UBN2: variants seen among roughly 807,000 people sequenced by gnomAD.
UBN2 encodes the protein ubinuclein-2.
A neutral mutation model predicts 120.2 loss-of-function variants in UBN2; 35 were observed. That is an observed-to-expected ratio of 0.29 (90% CI 0.22 to 0.39). The LOEUF is 0.39. UBN2 is among the 10% of genes least tolerant of loss of function. The pLI, the probability that UBN2 is intolerant of heterozygous loss-of-function variation, is 1.00. For synonymous variants in UBN2, 661 were observed against 648.7 expected, an observed-to-expected ratio of 1.02 and a Z score of -0.29; for missense variants, 1,693 against 1,663.2, an observed-to-expected ratio of 1.02 and a Z score of -0.31.
In UBN2 at chr7:139,306,568, C is replaced by T. The variant is rs1476358439; in HGVS notation, c.*8732C>T. On this transcript the variant is annotated 3_prime_UTR_variant, in exon 18 of 18. Transcript: ENST00000473989. ...CTTCAGATAATCAATGGGCCTTTCC[C>T]CATTAGAGGTAGGTTCCCAGCCTAC... 1 of 152,156 alleles carries T rather than the reference C, an allele frequency of 6.6e-6. No individual in the cohort carries two copies. The highest frequency in any genetic ancestry group is 1.5e-5 in the Non-Finnish European group (1 of 68,024). The allele number at this position is 152,156 out of a possible 1,614,324, so 9.4% of individuals were successfully genotyped here.
At chr7:139,259,478 T>C (rs1333335477) in intron 5 of UBN2, 108 bp downstream of exon 5, 1 of 1,411,830 alleles carries the variant, frequency 7.1e-7, no homozygotes, top group Admixed American at 2.6e-5. Flanking sequence ...GAGTCTAATT[T>C]AGTACGTTAT....
intron 4 of UBN2, 94 bp from the exon 5 acceptor site, chr7:139,259,173 A>G (rs1000422827): frequency 1.2e-5 from 19 of 1,524,890 alleles, no homozygotes; most frequent in Admixed American, 6.7e-5. Context: ...GCACACTGAC[A>G]TTTGAGAAAA....
chr7:139,297,883 T>C lies in UBN2; in HGVS notation c.*47T>C. 1 of 1,600,488 alleles carries C rather than the reference T, an allele frequency of 6.2e-7. No homozygotes were observed. Among genetic ancestry groups the C allele is most frequent in the Non-Finnish European group, 8.6e-7 (1 of 1,167,778 alleles). On this transcript the variant is annotated 3_prime_UTR_variant, in exon 18 of 18. Coordinates refer to ENST00000473989, the MANE Select transcript of UBN2 (RefSeq NM_173569.4). The stretch of plus-strand genomic sequence containing the variant: ...CGAAATGTTTAGTTGACTGATGGAA[T>C]CTACCTGATGGGAAAGTACTTATGT...
chr7:139,329,206 A>G, the UBN2 span, among the ~76,000 whole-genome samples: 1 of 144,106 alleles, frequency 6.9e-6, no homozygotes, highest in South Asian at 2.2e-4. Flanking sequence ...TTTTTTTTTC[A>G]AAAATAAGAC....
chr7:139,259,283 A>C lies in UBN2; in HGVS notation c.818A>C (p.Glu273Ala). 6.2e-7 allele frequency: 1 copy of C among 1,613,336 alleles called. No individual in the cohort carries two copies. Among genetic ancestry groups the C allele is most frequent in the Admixed American group, 1.7e-5 (1 of 59,844 alleles). Residue 273 changes from glutamate (E) to alanine (A), a missense_variant, in exon 5 of 18, where the codon GAA (glutamate) becomes GCA (alanine). Physicochemically the swap from Glu to Ala is moderately radical, Grantham distance 107 (BLOSUM62 -1). Coordinates refer to ENST00000473989, the MANE Select transcript of UBN2 (RefSeq NM_173569.4). ...HKPPKVPKIKEDDIEMKKRKR... is the reference protein window; with the variant it reads ...HKPPKVPKIKADDIEMKKRKR... ...ATTTTGCAGGTCCCCAAAATAAAAG[A>C]AGATGATATTGAGATGAAGAAGCGG...
Position 139,283,394 on chromosome 7 carries a change from C to T in UBN2, c.2489C>T (p.Ser830Leu), listed in dbSNP as rs1330334992. The T allele has an allele frequency of 6.2e-7, 1 of 1,614,086 alleles. No homozygotes were observed. The highest frequency in any genetic ancestry group is 1.1e-5 in the South Asian group (1 of 91,070). ...GATTCTACTCAGACTACACATTCTT[C>T]AAGTCTTATTGCTGGTCACACAGGG... ...KLDSTQTTHS[S>L]SLIAGHTGPV... is the part of the protein sequence containing the mutation. The change falls in exon 15 of 18, where the codon TCA (serine) becomes TTA (leucine). Residue 830 changes from serine to leucine, a missense_variant. Transcript: ENST00000473989.
intron 2 of UBN2, among the ~76,000 whole-genome samples, chr7:139,248,503 TCTTA>T (rs1238359170): frequency 3.3e-5 from 5 of 152,318 alleles, no homozygotes; most frequent in Non-Finnish European, 5.9e-5. Context: ...GAAATTGATA[TCTTA>T]CTTTAATCTC....
intron 2 of UBN2, 42 bp from the exon 3 acceptor site, chr7:139,251,914 A>G: frequency 6.4e-7 from 1 of 1,570,586 alleles, no homozygotes; most frequent in Non-Finnish European, 8.8e-7. Context: ...TTATGGAAAC[A>G]GCATGAGTAC....
Position 139,283,519 on chromosome 7 carries a change from T to A in UBN2, c.2614T>A (p.Leu872Met). ...IQNPKVSLEP[L>M]PARLLQQGLQ... ...GAACCCTAAAGTTTCTTTAGAACCT[T>A]TGCCAGCCAGGCTACTTCAACAAGG... The change falls in exon 15 of 18, where the codon TTG (leucine) becomes ATG (methionine). Residue 872 changes from leucine (L) to methionine (M), a missense_variant. Leu to Met is a conservative substitution (Grantham distance 15). This residue lies in a region of UBN2 where 837 missense variants were observed against 817.6 expected (regional missense o/e 1.02). Coordinates refer to ENST00000473989, the MANE Select transcript of UBN2 (RefSeq NM_173569.4). 6.2e-7 allele frequency: 1 copy of A among 1,614,176 alleles called. No homozygotes were observed. The highest frequency in any genetic ancestry group is 1.6e-4 in the Middle Eastern group (1 of 6,062).
chr7:139,311,726 T>C (rs73470890), downstream of UBN2, among the ~76,000 whole-genome samples: 2,311 of 152,328 alleles, frequency 0.015, 62 homozygotes, highest in African/African-American at 0.053. Flanking sequence ...CATAGTGTTG[T>C]TTAAAAATCT....
At chr7:139,260,098 CT>C (rs879456400) in intron 5 of UBN2, among the ~76,000 whole-genome samples, 109 of 142,930 alleles carry the variant, frequency 7.6e-4, no homozygotes, top group South Asian at 2.0e-3. Context: ...CATAGCTATT[CT>C]TTTTTTTTTT....
the UBN2 span, among the ~76,000 whole-genome samples, chr7:139,325,268 T>C: frequency 7.1e-6 from 1 of 140,012 alleles, no homozygotes; most frequent in Non-Finnish European, 1.6e-5. Context: ...CTGCTTTTTT[T>C]TTTTTTTTTT....
downstream of UBN2, among the ~76,000 whole-genome samples, chr7:139,311,704 T>C (rs1400420456): frequency 6.6e-6 from 1 of 152,234 alleles, no homozygotes; most frequent in Admixed American, 6.5e-5. Context: ...CCCAAAAGTA[T>C]AGAAGTGAAG....
downstream of UBN2, among the ~76,000 whole-genome samples, chr7:139,310,634 A>C (rs540105466): frequency 2.3e-3 from 349 of 152,274 alleles, 2 homozygotes; most frequent in African/African-American, 7.7e-3. Context: ...TCAGCTGGGC[A>C]TGGTGACTCA....
chr7:139,237,219 A>G, intron 2 of UBN2, 122 bp downstream of exon 2: 1 of 516,524 alleles, frequency 1.9e-6, no homozygotes, highest in East Asian at 3.3e-5. Flanking sequence ...ACCAATGGAA[A>G]CCAAATGAAT....
At chr7:139,279,454 T>C in intron 13 of UBN2, 94 bp downstream of exon 13, 1 of 941,228 alleles carries the variant, frequency 1.1e-6, no homozygotes. Flanking sequence ...TTAGCAGAGG[T>C]CAGTAGGCAC....
At position 139,274,777 on chromosome 7, in the gene UBN2, GAAAAAGA is replaced by G. The variant is rs1423412706; in HGVS notation, c.1973+714_1973+720del. ...AACTCCGTCTCAAAAAAAAAAAAAA[GAAAAAGA>G]AAAAAGAAAATAGTCAGTGTAGGCC... On this transcript the variant is annotated intron_variant, in intron 11 of 17. Transcript: ENST00000473989. 6.8e-5 allele frequency among the ~76,000 whole-genome samples: 10 copies of G among 147,192 alleles called. No individual in the cohort carries two copies. The East Asian group carries it at 1.4e-3, about 21-fold the overall frequency.
Position 139,307,417 on chromosome 7 carries a change from A to AATT in UBN2, c.*9584_*9586dup, listed in dbSNP as rs1798376640. The AATT allele has an allele frequency of 6.6e-6, 1 of 152,090 alleles. No homozygotes were observed. Among genetic ancestry groups the AATT allele is most frequent in the African/African-American group, 2.4e-5 (1 of 41,420 alleles). 9.4% of individuals were successfully genotyped at this position (152,090 alleles called of 1,614,324 possible). On this transcript the variant is annotated 3_prime_UTR_variant, in exon 18 of 18. Transcript: ENST00000473989. ...ATTGTAGCATTTAGTGTGTCTTAAA[A>AATT]ATTATGTACTGTACCAGCCATGGAT...
At chr7:139,320,008 A>G in the UBN2 span, among the ~76,000 whole-genome samples, 29 of 151,864 alleles carry the variant, frequency 1.9e-4, no homozygotes, top group East Asian at 7.7e-4. Context: ...CCCAGGAGGC[A>G]GAGCTTGCAG....
Sources: allele counts gnomAD v4.1 joint callset (sites outside exome capture counted in the v4.1 genomes callset), GRCh38; gene constraint gnomAD v4.1.1; regional missense constraint gnomAD v4.1.1; transcripts MANE v1.5; gene names NCBI Gene and HGNC (gene_info 2026-07-23, HGNC 2026-07-21).